REV3L: variants seen among roughly 807,000 people sequenced by gnomAD.
REV3L encodes the protein DNA polymerase zeta catalytic subunit.
REV3L carries 69 observed loss-of-function variants against 299.4 expected under a neutral mutation model. That is an observed-to-expected ratio of 0.23 (90% CI 0.19 to 0.28). The LOEUF is 0.28. Among genes scored for constraint, REV3L ranks in the 10% least tolerant of loss-of-function variants. REV3L has a pLI of 1.00. For missense variants in REV3L, 3,128 were observed against 3,693.8 expected (o/e 0.85, Z 3.97); for synonymous variants, 1,238 against 1,271.4 (o/e 0.97, Z 0.56).
intron 1 of REV3L, among the ~76,000 whole-genome samples, chr6:111,428,030 A>AG (rs1562296405): frequency 6.6e-6 from 1 of 152,144 alleles, no homozygotes; most frequent in African/African-American, 2.4e-5. Flanking sequence ...GAAAAAAAAA[A>AG]AAAGAAAGAA....
Position 111,435,744 on chromosome 6 carries a change from A to G in REV3L, c.140-19272T>C, listed in dbSNP as rs554791302. Among the ~76,000 whole-genome samples the G allele has an allele frequency of 1.2e-4, 19 of 152,336 alleles. 1 individual carries two copies. In the South Asian group the frequency reaches 3.7e-3, roughly 30 times the overall value. The stretch of plus-strand genomic sequence containing the variant: ...AAACATTGGGGAAATGCTCCAGGAC[A>G]TTGGTCTGTGCAAAGATTTTTTTGG... On this transcript the variant is annotated intron_variant, in intron 1 of 31. Coordinates refer to ENST00000368802, the MANE Select transcript of REV3L (RefSeq NM_001372078.1).
chr6:111,331,624 T>G, intron 24 of REV3L, 52 bp downstream of exon 24: 2 of 1,232,886 alleles, frequency 1.6e-6, no homozygotes, highest in Non-Finnish European at 2.3e-6. Context: ...CATTATCAGC[T>G]CTCCAAAAGT....
chr6:111,375,948 C>T lies in REV3L; in HGVS notation c.2407G>A (p.Val803Ile). The stretch of plus-strand genomic sequence containing the variant: ...GGTCTAGTAAGACAGTTAGAAAGAA[C>T]AACACTGGGAAAAAACATATAGTGT... ...AAHYMFFPSVVLSNCLTRPQK... is the reference protein window; with the variant it reads ...AAHYMFFPSVILSNCLTRPQK... Residue 803 changes from valine to isoleucine, a missense_variant, in exon 13 of 32, where the codon GTT (valine) becomes ATT (isoleucine). By Grantham distance (29) the Val-to-Ile change is conservative (BLOSUM62 3). Coordinates refer to ENST00000368802, the MANE Select transcript of REV3L (RefSeq NM_001372078.1). The T allele has an allele frequency of 6.2e-7, 1 of 1,613,856 alleles. No homozygotes were observed. Among genetic ancestry groups the T allele is most frequent in the Non-Finnish European group, 8.5e-7 (1 of 1,179,872 alleles).
chr6:111,333,408 T>TAA (rs756345990), intron 22 of REV3L, 41 bp from the exon 23 acceptor site: 1 of 1,604,778 alleles, frequency 6.2e-7, no homozygotes, highest in Non-Finnish European at 8.5e-7. Flanking sequence ...GAAACACAGT[T>TAA]AAATATATTG....
At chr6:111,403,219 G>T (rs1384106134) in intron 4 of REV3L, among the ~76,000 whole-genome samples, 1 of 152,170 alleles carries the variant, frequency 6.6e-6, no homozygotes, top group African/African-American at 2.4e-5. Flanking sequence ...TAGTAAGGTT[G>T]CTCAGGAGTG....
intron 1 of REV3L, among the ~76,000 whole-genome samples, chr6:111,469,644 G>T (rs1791943957): frequency 6.6e-6 from 1 of 152,128 alleles, no homozygotes; most frequent in South Asian, 2.1e-4. Flanking sequence ...ACTGCCTCCA[G>T]GTGAAAGAGC....
intron 28 of REV3L, 177 bp from the exon 29 acceptor site, chr6:111,311,436 A>T (rs1772964411): frequency 2.2e-6 from 1 of 445,202 alleles, no homozygotes; most frequent in Admixed American, 4.0e-5. Flanking sequence ...TTGAGACTTT[A>T]GAGAGCTTGC....
intron 1 of REV3L, among the ~76,000 whole-genome samples, chr6:111,452,880 C>T (rs1789719840): frequency 6.6e-6 from 1 of 152,124 alleles, no homozygotes; most frequent in African/African-American, 2.4e-5. Flanking sequence ...AATTTATCAA[C>T]ACCTGACAGA....
chr6:111,481,805 T>C (rs1241034618), intron 1 of REV3L, among the ~76,000 whole-genome samples: 2 of 152,224 alleles, frequency 1.3e-5, no homozygotes, highest in Admixed American at 6.5e-5. Context: ...TGGGCCTCTA[T>C]CTTTTTTATA....
intron 1 of REV3L, among the ~76,000 whole-genome samples, chr6:111,417,743 C>A (rs377648798): frequency 6.6e-6 from 1 of 152,020 alleles, no homozygotes; most frequent in Non-Finnish European, 1.5e-5. Flanking sequence ...GGTACACTTA[C>A]GACAGAAAAA....
chr6:111,476,416 C>G (rs1447305847), intron 1 of REV3L, among the ~76,000 whole-genome samples: 1 of 152,154 alleles, frequency 6.6e-6, no homozygotes, highest in Non-Finnish European at 1.5e-5. Flanking sequence ...CTTAGCCTCC[C>G]AAAGTGTTGG....
At chr6:111,384,407 T>A (rs1163070244) in intron 9 of REV3L, among the ~76,000 whole-genome samples, 2 of 151,808 alleles carry the variant, frequency 1.3e-5, no homozygotes, top group African/African-American at 4.8e-5. Flanking sequence ...TAGTAAAAAA[T>A]CTAATAATCC....
rs575954855 is a variant in REV3L, at chr6:111,366,717, G to A, written c.6673+398C>T. The stretch of plus-strand genomic sequence containing the variant: ...GAGTAGGAGGTAAATAACTGGAGTT[G>A]TCAAATTAGATAAATCTTTTAAGAA... On this transcript the variant is annotated intron_variant, in intron 14 of 31. Transcript: ENST00000368802. Among the ~76,000 whole-genome samples the A allele has an allele frequency of 5.3e-5, 8 of 152,274 alleles. No homozygotes were observed. The South Asian group carries it at 1.0e-3, about 20-fold the overall frequency.
intron 16 of REV3L, among the ~76,000 whole-genome samples, chr6:111,363,412 C>T (rs1778895201): frequency 6.6e-6 from 1 of 151,966 alleles, no homozygotes; most frequent in Non-Finnish European, 1.5e-5. Flanking sequence ...ATCAAGTGAT[C>T]CTCCCACCTC....
chr6:111,471,853 G>C (rs530894890), intron 1 of REV3L, among the ~76,000 whole-genome samples: 6 of 152,184 alleles, frequency 3.9e-5, no homozygotes, highest in African/African-American at 1.4e-4. Context: ...GGAAAACCAA[G>C]GAGATAATCT....
chr6:111,315,592 A>C (rs1017382248), intron 26 of REV3L: 2 of 539,014 alleles, frequency 3.7e-6, no homozygotes, highest in African/African-American at 3.8e-5. Flanking sequence ...TAAGACATCC[A>C]ATATTTCTAA....
intron 1 of REV3L, chr6:111,431,527 A>C: frequency 1.2e-6 from 1 of 845,188 alleles, no homozygotes. Flanking sequence ...TTTCAACACC[A>C]GACCCCCTCC....
chr6:111,396,858 T>C lies in REV3L; in HGVS notation c.566-3886A>G, dbSNP rs113529910. Among the ~76,000 whole-genome samples, 1,119 of 152,264 alleles carry C rather than the reference T, an allele frequency of 7.3e-3. 13 individuals are homozygous for C. Among genetic ancestry groups the C allele is most frequent in the African/African-American group, 0.026 (1,065 of 41,568 alleles). ...TTTCCTATTTCTTCCTGGTTCAATC[T>C]TGGTATGCTGTAATGCGTCCAAAAA... On this transcript the variant is annotated intron_variant, in intron 4 of 31. Transcript: ENST00000368802.
At chr6:111,404,056 T>C (rs1479415596) in intron 4 of REV3L, among the ~76,000 whole-genome samples, 1 of 152,188 alleles carries the variant, frequency 6.6e-6, no homozygotes, top group Non-Finnish European at 1.5e-5. Flanking sequence ...ATTTGCAATG[T>C]AGATGAAAAC....
Sources: allele counts gnomAD v4.1 joint callset (sites outside exome capture counted in the v4.1 genomes callset), GRCh38; gene constraint gnomAD v4.1.1; transcripts MANE v1.5; gene names NCBI Gene and HGNC (gene_info 2026-07-23, HGNC 2026-07-21).